The following SMOC1 variants were observed in gnomAD, a reference collection of about 807,000 sequenced individuals.
SMOC1 encodes SPARC-related modular calcium-binding protein 1.
A neutral mutation model predicts 56.3 loss-of-function variants in SMOC1; 22 were observed. The ratio of observed to expected loss-of-function variants is 0.39; its 90% CI spans 0.28 to 0.56. The LOEUF is 0.56. Ranked by LOEUF, SMOC1 falls within the 20% of genes least tolerant of loss-of-function variation. SMOC1 has a pLI of 0.61. For synonymous variants in SMOC1, 193 were observed against 215.0 expected, an observed-to-expected ratio of 0.90 and a Z score of 0.89; for missense variants, 509 against 565.4, an observed-to-expected ratio of 0.90 and a Z score of 1.01.
chr14:69,899,208 A>G (rs1884174862), intron 1 of SMOC1, among the ~76,000 whole-genome samples: 1 of 152,170 alleles, frequency 6.6e-6, no homozygotes, highest in Non-Finnish European at 1.5e-5. Context: ...TGTGGTTCAA[A>G]ATGGCTGCCT....
intron 10 of SMOC1, among the ~76,000 whole-genome samples, chr14:70,020,151 C>T (rs1435528350): frequency 6.8e-6 from 1 of 146,718 alleles, no homozygotes; most frequent in Non-Finnish European, 1.5e-5. Flanking sequence ...TTGTTTTTGT[C>T]TTTTTTTTTT....
intron 1 of SMOC1, among the ~76,000 whole-genome samples, chr14:69,950,380 C>T (rs896505432): frequency 4.6e-5 from 7 of 152,176 alleles, no homozygotes; most frequent in Admixed American, 4.6e-4. Flanking sequence ...GTGGTACTAC[C>T]TCTGAAACTT....
At chr14:69,924,682 G>C (rs1261340171) in intron 1 of SMOC1, among the ~76,000 whole-genome samples, 1 of 136,804 alleles carries the variant, frequency 7.3e-6, no homozygotes, top group Non-Finnish European at 1.6e-5. Flanking sequence ...GAAGGTAAGG[G>C]AGAGGGGAGG....
rs772698466 is a variant in SMOC1, at chr14:69,895,282, G to A, written c.99+15505G>A. ...GAAAAGGGGTGAGTTTCTGGTTTCC[G>A]CCAGTGTCGAAGGTTTCAGTTAGGA... On this transcript the variant is annotated intron_variant, in intron 1 of 11. Transcript: ENST00000361956. 8.5e-5 allele frequency among the ~76,000 whole-genome samples: 13 copies of A among 152,162 alleles called. No individual in the cohort carries two copies. In the East Asian group the frequency reaches 1.3e-3, roughly 16 times the overall value.
At chr14:69,990,683 C>T (rs148659749) in intron 5 of SMOC1, among the ~76,000 whole-genome samples, 12 of 152,182 alleles carry the variant, frequency 7.9e-5, no homozygotes, top group Non-Finnish European at 1.3e-4. Flanking sequence ...TCAAAGACTT[C>T]CAGATCAAAC....
rs147977932 is a variant in SMOC1, at chr14:70,023,404, T to C, written c.1248T>C (p.Ile416=). Residue 416 remains isoleucine, a synonymous_variant, in exon 11 of 12, where the codon ATT becomes ATC. Transcript: ENST00000361956. ...GTGACCTGAACAAAGACAAGGTCAT[T>C]TCACTGCCTGAGCTGAAGGGCTGCC... The part of the protein sequence containing the change: ...DYCDLNKDKV[I]SLPELKGCLG... 5.2e-5 allele frequency: 84 copies of C among 1,614,050 alleles called. No individual in the cohort carries two copies. In the African/African-American group the frequency reaches 9.5e-4, roughly 18 times the overall value.
intron 1 of SMOC1, among the ~76,000 whole-genome samples, chr14:69,916,022 T>TA (rs1260255569): frequency 6.6e-6 from 1 of 152,256 alleles, no homozygotes; most frequent in Non-Finnish European, 1.5e-5. Flanking sequence ...CTAGTCTGGA[T>TA]ATAGCCATAC....
At chr14:69,979,282 C>A (rs961165405) in intron 5 of SMOC1, among the ~76,000 whole-genome samples, 6 of 152,122 alleles carry the variant, frequency 3.9e-5, no homozygotes, top group Non-Finnish European at 8.8e-5. Flanking sequence ...CTGCTGCCCC[C>A]AAATGCAGGT....
At chr14:69,891,993 G>T (rs935880920) in intron 1 of SMOC1, among the ~76,000 whole-genome samples, 1 of 152,046 alleles carries the variant, frequency 6.6e-6, no homozygotes, top group Non-Finnish European at 1.5e-5. Flanking sequence ...TTAAAAAATA[G>T]GGATGGTAAG....
At chr14:69,975,873 C>A in intron 4 of SMOC1, 59 bp downstream of exon 4, 2 of 1,224,926 alleles carry the variant, frequency 1.6e-6, no homozygotes, top group Non-Finnish European at 2.4e-6. Flanking sequence ...GTTGGTTGGT[C>A]TCCTGCATCT....
rs527474164 is a variant in SMOC1 at position 70,031,601 on chromosome 14, G to A, written c.*1343G>A. On this transcript the variant is annotated 3_prime_UTR_variant, in exon 12 of 12. Coordinates refer to ENST00000361956, the MANE Select transcript of SMOC1 (RefSeq NM_001034852.3). ...TATTCTGCCTCCCCTAGAAGGGCAG[G>A]GGTGATAACCCAGCTACAGGGAAAT... 1.3e-5 allele frequency: 2 copies of A among 152,314 alleles called. No homozygotes were observed. Among genetic ancestry groups the A allele is most frequent in the Non-Finnish European group, 2.9e-5 (2 of 68,026 alleles). 9.4% of individuals were successfully genotyped at this position (152,314 alleles called of 1,614,324 possible).
chr14:69,904,295 C>T (rs527655394), intron 1 of SMOC1, among the ~76,000 whole-genome samples: 2 of 152,288 alleles, frequency 1.3e-5, no homozygotes, highest in Admixed American at 1.3e-4. Flanking sequence ...AACTTCTTCC[C>T]ACCTATGAGT....
At chr14:69,919,309 C>T (rs1459276080) in intron 1 of SMOC1, among the ~76,000 whole-genome samples, 2 of 152,214 alleles carry the variant, frequency 1.3e-5, no homozygotes, top group South Asian at 4.1e-4. Flanking sequence ...GGGCCGCTCT[C>T]ACAGCCCCTT....
chr14:69,993,478 C>T (rs1421335209), intron 6 of SMOC1, among the ~76,000 whole-genome samples: 1 of 152,164 alleles, frequency 6.6e-6, no homozygotes, highest in Non-Finnish European at 1.5e-5. Context: ...TGAGCAGCTC[C>T]TAGCTAAGCG....
At chr14:69,943,355 C>T (rs559993880) in intron 1 of SMOC1, among the ~76,000 whole-genome samples, 60 of 152,278 alleles carry the variant, frequency 3.9e-4, no homozygotes, top group African/African-American at 1.4e-3. Context: ...GGTCGAGGCC[C>T]TTCTTTGCAC....
intron 3 of SMOC1, among the ~76,000 whole-genome samples, chr14:69,953,785 C>G (rs1883092006): frequency 6.6e-6 from 1 of 152,182 alleles, no homozygotes; most frequent in Non-Finnish European, 1.5e-5. Context: ...TGCTTGGTCC[C>G]CATCCTCCCT....
At chr14:69,978,115 A>G in intron 5 of SMOC1, 150 bp downstream of exon 5, 2 of 734,702 alleles carry the variant, frequency 2.7e-6, no homozygotes, top group Non-Finnish European at 4.9e-6. Context: ...TCCTCTCTGA[A>G]GCACCCGAGG....
chr14:69,913,139 C>T (rs1039261238), intron 1 of SMOC1, among the ~76,000 whole-genome samples: 1 of 152,170 alleles, frequency 6.6e-6, no homozygotes, highest in Non-Finnish European at 1.5e-5. Flanking sequence ...TGCATGGCTT[C>T]AAAGCCTTTG....
At chr14:69,924,044 A>T (rs556581916) in intron 1 of SMOC1, among the ~76,000 whole-genome samples, 2 of 152,382 alleles carry the variant, frequency 1.3e-5, no homozygotes, top group Non-Finnish European at 2.9e-5. Context: ...TGGAACGTCA[A>T]CAGCATCCGC....
Sources: gnomAD v4.1 joint callset for allele counts (sites outside exome capture counted in the v4.1 genomes callset) on GRCh38, gnomAD v4.1.1 for gene constraint, MANE v1.5 for transcripts, NCBI Gene and HGNC (gene_info 2026-07-23, HGNC 2026-07-21) for gene names.